Variants in CHFR observed in about 807,000 individuals in gnomAD.
CHFR encodes checkpoint with forkhead and ring finger domains.
A neutral mutation model predicts 87.6 loss-of-function variants in CHFR; 57 were observed. That is an observed-to-expected ratio of 0.65 (90% confidence interval 0.53 to 0.81). The LOEUF (loss-of-function observed/expected upper bound fraction) is 0.81. CHFR is among the 30% of genes least tolerant of loss of function. The pLI is 0.00. For synonymous variants in CHFR, 381 were observed against 359.2 expected, an observed-to-expected ratio of 1.06 and a Z score of -0.69; for missense variants, 797 against 865.8, an observed-to-expected ratio of 0.92 and a Z score of 1.00.
In CHFR at chr12:132,838,309, G is replaced by A. The variant is rs751964773; in HGVS notation, c.*3245C>T. ...CTTTGTAGCTGGCCTAGGGAGGAGG[G>A]TTGGCCTGAATCCCTCAGTCTGTTT... On this transcript the variant is annotated 3_prime_UTR_variant, in exon 18 of 18. Coordinates refer to ENST00000450056, the MANE Select transcript of CHFR (RefSeq NM_001161346.2). 1 of 152,306 alleles carries A rather than the reference G, an allele frequency of 6.6e-6. No homozygotes were observed. The highest frequency in any genetic ancestry group is 1.5e-5 in the Non-Finnish European group (1 of 68,092). The allele number at this position is 152,306 out of a possible 1,614,324, so 9.4% of individuals were successfully genotyped here.
At chr12:132,863,641 G>A (rs1027911552) in intron 6 of CHFR, among the ~76,000 whole-genome samples, 3 of 152,234 alleles carry the variant, frequency 2.0e-5, no homozygotes, top group Non-Finnish European at 4.4e-5. Context: ...TACAAGAGGT[G>A]TGATAACGGG....
At chr12:132,857,112 G>A (rs1277968454) in intron 9 of CHFR, among the ~76,000 whole-genome samples, 1 of 123,796 alleles carries the variant, frequency 8.1e-6, no homozygotes, top group Non-Finnish European at 1.6e-5. Flanking sequence ...CAGCCCTCAC[G>A]TGCCCGGGTG....
intron 6 of CHFR, among the ~76,000 whole-genome samples, chr12:132,864,829 C>T (rs1300313293): frequency 2.0e-5 from 3 of 152,140 alleles, no homozygotes; most frequent in Admixed American, 6.6e-5. Context: ...TATATAAATA[C>T]GCTGCCCTTT....
chr12:132,865,647 A>C, intron 6 of CHFR, among the ~76,000 whole-genome samples: 1 of 134,090 alleles, frequency 7.5e-6, no homozygotes, highest in African/African-American at 2.8e-5. Context: ...TGCTGGGATT[A>C]CAGGTCTTTT....
chr12:132,859,639 C>G (rs748758310), intron 7 of CHFR, among the ~76,000 whole-genome samples: 1 of 152,150 alleles, frequency 6.6e-6, no homozygotes, highest in Admixed American at 6.5e-5. Context: ...TGTGAGCTAC[C>G]GCGCCCCACC....
At chr12:132,868,265 C>CGG (rs1951395543) in intron 6 of CHFR, among the ~76,000 whole-genome samples, 1 of 152,152 alleles carries the variant, frequency 6.6e-6, no homozygotes, top group African/African-American at 2.4e-5. Flanking sequence ...GCCGATCGGA[C>CGG]AGATCACGAG....
At chr12:132,877,481 C>T in intron 3 of CHFR, 74 bp downstream of exon 3, 2 of 989,338 alleles carry the variant, frequency 2.0e-6, no homozygotes, top group South Asian at 3.2e-5. Context: ...AGCCGTGGCA[C>T]ACAGCACAGA....
Position 132,843,068 on chromosome 12 carries a change from C to T in CHFR, c.1859G>A (p.Arg620His). 1.9e-6 allele frequency: 3 copies of T among 1,613,142 alleles called. No individual in the cohort carries two copies. Among genetic ancestry groups the T allele is most frequent in the Non-Finnish European group, 1.7e-6 (2 of 1,179,682 alleles). ...GTTACGGCCCCAGTAGCAGTCAGGA[C>T]GGGATGTTACGGCCACTGGAAAAAG... ...ASELPVAVTS[R>H]PDCYWGRNCR... The change falls in exon 17 of 18, where the codon CGT becomes CAT. Residue 620 changes from arginine (R) to histidine (H), a missense_variant. Physicochemically the swap from Arg to His is conservative, Grantham distance 29 (BLOSUM62 0). Transcript: ENST00000450056.
chr12:132,853,283 G>T, intron 11 of CHFR, 148 bp downstream of exon 11: 1 of 801,042 alleles, frequency 1.2e-6, no homozygotes, highest in Non-Finnish European at 1.8e-6. Flanking sequence ...CCAACTGTGA[G>T]TGCAGGGAGA....
At chr12:132,871,408 C>T (rs934118137) in intron 4 of CHFR, among the ~76,000 whole-genome samples, 32 of 151,508 alleles carry the variant, frequency 2.1e-4, no homozygotes, top group Admixed American at 1.3e-3. Context: ...GCTGAGATCA[C>T]GCCATTGCAC....
chr12:132,838,366 G>C lies in CHFR; in HGVS notation c.*3188C>G, dbSNP rs1950663770. 6.6e-6 allele frequency: 1 copy of C among 152,340 alleles called. No individual in the cohort carries two copies. The highest frequency in any genetic ancestry group is 2.4e-5 in the African/African-American group (1 of 41,472). The allele number at this position is 152,340 out of a possible 1,614,324, so 9.4% of individuals were successfully genotyped here. On this transcript the variant is annotated 3_prime_UTR_variant, in exon 18 of 18. Transcript: ENST00000450056. ...AATCTGCCCAGACTTCCTGGCTGCA[G>C]TCAGAAGCTATGACAGAGGCCATCC...
rs1593542575 is a variant in CHFR, at chr12:132,884,298, A to C, written c.133+2898T>G. On this transcript the variant is annotated intron_variant, in intron 2 of 17. Coordinates refer to ENST00000450056, the MANE Select transcript of CHFR (RefSeq NM_001161346.2). ...GCTGAGCGTGGTAGCACATACTTGT[A>C]ATCCCAGCTACTCGGGAGGCTGAGG... Among the ~76,000 whole-genome samples the C allele has an allele frequency of 2.6e-5, 4 of 152,124 alleles. No individual in the cohort carries two copies. The South Asian group carries it at 8.3e-4, about 32-fold the overall frequency.
chr12:132,882,719 TCTTTGAGACAAGG>T (rs1340226521), intron 2 of CHFR, among the ~76,000 whole-genome samples: 4 of 142,282 alleles, frequency 2.8e-5, no homozygotes, highest in African/African-American at 1.0e-4. Context: ...TTTTTTTTTT[TCTTTGAGACAAGG>T]CCTTGCGCTG....
chr12:132,839,884 T>C lies in CHFR; in HGVS notation c.*1670A>G. 1 of 97,366 alleles carries C rather than the reference T, an allele frequency of 1.0e-5. No individual in the cohort carries two copies. Among genetic ancestry groups the C allele is most frequent in the Non-Finnish European group, 2.0e-5 (1 of 49,320 alleles). 6.0% of individuals were successfully genotyped at this position (97,366 alleles called of 1,614,324 possible). ...CTCGCCCCTGCACTAACTTGGGACCTCCCTGCTCAGCCTCACCCCTGCACA... is the reference window on the plus strand; with the variant it reads ...CTCGCCCCTGCACTAACTTGGGACCCCCCTGCTCAGCCTCACCCCTGCACA... On this transcript the variant is annotated 3_prime_UTR_variant, in exon 18 of 18. Transcript: ENST00000450056.
At chr12:132,880,301 C>T (rs1300405957) in intron 2 of CHFR, among the ~76,000 whole-genome samples, 1 of 151,996 alleles carries the variant, frequency 6.6e-6, no homozygotes, top group Admixed American at 6.6e-5. Flanking sequence ...ATGGACTTCG[C>T]AGATAGGATA....
At chr12:132,847,805 G>A in intron 14 of CHFR, 1 of 1,302,236 alleles carries the variant, frequency 7.7e-7, no homozygotes, top group Non-Finnish European at 9.8e-7. Context: ...GTGGGAACAA[G>A]AGCTGCCGGG....
intron 2 of CHFR, among the ~76,000 whole-genome samples, chr12:132,884,247 C>T (rs1566208787): frequency 6.6e-6 from 1 of 151,934 alleles, no homozygotes; most frequent in Non-Finnish European, 1.5e-5. Flanking sequence ...GGAGAAACCC[C>T]GTCTCTACTA....
chr12:132,852,121 C>CT (rs537785299), intron 11 of CHFR, among the ~76,000 whole-genome samples: 112 of 151,610 alleles, frequency 7.4e-4, no homozygotes, highest in African/African-American at 2.5e-3. Context: ...GTAGCTGGGA[C>CT]TACAGGTGCC....
intron 15 of CHFR, among the ~76,000 whole-genome samples, 173 bp downstream of exon 15, chr12:132,846,870 G>A (rs1222639405): frequency 2.0e-5 from 3 of 152,246 alleles, no homozygotes; most frequent in Middle Eastern, 3.4e-3. Flanking sequence ...ACAAGAGCGA[G>A]ACTCCATCTC....
Sources: gnomAD v4.1 joint callset for allele counts (sites outside exome capture counted in the v4.1 genomes callset) on GRCh38, gnomAD v4.1.1 for gene constraint, MANE v1.5 for transcripts, NCBI Gene and HGNC (gene_info 2026-07-23, HGNC 2026-07-21) for gene names.